The following GUCY1A2 variants were observed in gnomAD, a reference collection of about 807,000 sequenced individuals.
GUCY1A2 encodes guanylate cyclase 1 soluble subunit alpha 2.
A neutral mutation model predicts 63.5 loss-of-function variants in GUCY1A2; 27 were observed. That is an observed-to-expected ratio of 0.43 (90% CI 0.31 to 0.59). The LOEUF is 0.59. Among genes scored for constraint, GUCY1A2 ranks in the 20% least tolerant of loss-of-function variants. GUCY1A2 has a pLI of 0.11. For missense variants in GUCY1A2, 768 were observed against 913.3 expected (o/e 0.84, Z 2.05); for synonymous variants, 364 against 343.5 (o/e 1.06, Z -0.66).
chr11:106,815,664 C>T (rs1858821111), intron 4 of GUCY1A2, among the ~76,000 whole-genome samples: 1 of 152,040 alleles, frequency 6.6e-6, no homozygotes, highest in African/African-American at 2.4e-5. Context: ...CATGAGTTGT[C>T]TAAATCATAT....
chr11:106,881,407 C>T (rs909879354), intron 4 of GUCY1A2, among the ~76,000 whole-genome samples: 3 of 151,768 alleles, frequency 2.0e-5, no homozygotes, highest in African/African-American at 7.3e-5. Flanking sequence ...TTATTTTTTA[C>T]CAAAAGTTCT....
chr11:106,843,924 T>C (rs543007773), intron 4 of GUCY1A2, among the ~76,000 whole-genome samples: 23 of 151,980 alleles, frequency 1.5e-4, no homozygotes, highest in African/African-American at 5.1e-4. Flanking sequence ...GGATCCATCA[T>C]AGAGCACTTA....
At position 106,957,894 on chromosome 11, in the gene GUCY1A2, A is replaced by C. The variant is rs1441860259; in HGVS notation, c.488-17716T>G. Among the ~76,000 whole-genome samples the C allele has an allele frequency of 1.8e-3, 184 of 102,616 alleles. 2 individuals are homozygous for C. The highest frequency in any genetic ancestry group is 6.4e-3 in the African/African-American group (180 of 28,234). 67.3% of individuals were successfully genotyped at this position (102,616 alleles called of 152,430 possible). On this transcript the variant is annotated intron_variant, in intron 3 of 7. Transcript: ENST00000526355. ...TTTTTTTTTTTTTTTTTTTTTCAGA[A>C]AAAAAAGGTGTTGTGGTAAAGAAAT...
intron 4 of GUCY1A2, among the ~76,000 whole-genome samples, chr11:106,883,295 A>G (rs1280935611): frequency 1.3e-5 from 2 of 152,158 alleles, no homozygotes; most frequent in African/African-American, 4.8e-5. Flanking sequence ...CCAATAAATA[A>G]GGAAACTCCT....
intron 6 of GUCY1A2, among the ~76,000 whole-genome samples, chr11:106,709,204 CATGT>C (rs1473357065): frequency 1.1e-5 from 1 of 92,466 alleles, no homozygotes; most frequent in African/African-American, 3.8e-5. Flanking sequence ...ATATAATATA[CATGT>C]ATATTATATA....
intron 4 of GUCY1A2, chr11:106,826,936 G>A (rs1565302293): frequency 1.9e-6 from 3 of 1,610,254 alleles, no homozygotes; most frequent in Non-Finnish European, 2.5e-6. Context: ...TATATTCGGT[G>A]TAACTCCTGT....
At chr11:106,930,190 A>C (rs1860582062) in intron 4 of GUCY1A2, among the ~76,000 whole-genome samples, 1 of 152,232 alleles carries the variant, frequency 6.6e-6, no homozygotes, top group African/African-American at 2.4e-5. Flanking sequence ...TAGTTATTTT[A>C]AAAAGAAATG....
At chr11:106,688,740 A>G (rs1431079382) in intron 7 of GUCY1A2, among the ~76,000 whole-genome samples, 1 of 152,238 alleles carries the variant, frequency 6.6e-6, no homozygotes, top group African/African-American at 2.4e-5. Context: ...AGAAGAAAAA[A>G]AGTATTTGCA....
At chr11:106,771,939 G>A (rs1304005430) in intron 6 of GUCY1A2, among the ~76,000 whole-genome samples, 1 of 152,080 alleles carries the variant, frequency 6.6e-6, no homozygotes, top group Non-Finnish European at 1.5e-5. Context: ...TTTTCAGAAT[G>A]TATTGTATAG....
At chr11:106,933,778 T>C (rs1488045585) in intron 4 of GUCY1A2, among the ~76,000 whole-genome samples, 1 of 151,934 alleles carries the variant, frequency 6.6e-6, no homozygotes, top group African/African-American at 2.4e-5. Flanking sequence ...AAAGAACACA[T>C]AGCTGGATGC....
chr11:106,985,010 G>A lies in GUCY1A2; in HGVS notation c.365+1060C>T, dbSNP rs182464846. Among the ~76,000 whole-genome samples, 257 of 151,940 alleles carry A rather than the reference G, an allele frequency of 1.7e-3. 1 individual carries two copies. The highest frequency in any genetic ancestry group is 2.3e-3 in the Non-Finnish European group (153 of 67,936). ...TAATCATCAAGCACTTAAAGTATAC[G>A]GCATTGTACTAGGTACCGAGATTAT... On this transcript the variant is annotated intron_variant, in intron 2 of 7. Transcript: ENST00000526355.
At position 106,891,577 on chromosome 11, in the gene GUCY1A2, T is replaced by C. The variant is rs539774928; in HGVS notation, c.1206+47883A>G. Among the ~76,000 whole-genome samples, 14 of 152,264 alleles carry C rather than the reference T, an allele frequency of 9.2e-5. No homozygotes were observed. The South Asian group carries it at 2.9e-3, about 32-fold the overall frequency. ...AAGCTGTATTTATGTCTATGATCCA[T>C]CTTGAATTAATTTTTGTTTATTTAT... On this transcript the variant is annotated intron_variant, in intron 4 of 7. Transcript: ENST00000526355.
chr11:107,017,088 A>G (rs1464611858), intron 1 of GUCY1A2, among the ~76,000 whole-genome samples: 1 of 152,226 alleles, frequency 6.6e-6, no homozygotes, highest in East Asian at 1.9e-4. Context: ...CCAGAGAAGA[A>G]TAAATGCCTA....
chr11:106,785,568 A>C (rs1248444109), intron 5 of GUCY1A2, among the ~76,000 whole-genome samples: 9 of 151,870 alleles, frequency 5.9e-5, no homozygotes, highest in Admixed American at 6.6e-5. Context: ...GTACAGTATC[A>C]GGATGCCCAT....
intron 4 of GUCY1A2, among the ~76,000 whole-genome samples, chr11:106,816,370 C>T (rs943726986): frequency 6.6e-6 from 1 of 151,638 alleles, no homozygotes; most frequent in Non-Finnish European, 1.5e-5. Context: ...CACTTTTCTA[C>T]ACAATTCATT....
chr11:106,763,869 A>G (rs950727041), intron 6 of GUCY1A2, among the ~76,000 whole-genome samples: 1 of 152,138 alleles, frequency 6.6e-6, no homozygotes, highest in Non-Finnish European at 1.5e-5. Context: ...ATAAAAAATA[A>G]TCTTAGATAA....
intron 6 of GUCY1A2, among the ~76,000 whole-genome samples, chr11:106,708,963 A>G (rs1862969810): frequency 6.6e-6 from 1 of 151,054 alleles, no homozygotes. Context: ...TTTCATCTGT[A>G]TGTAATATGG....
At chr11:106,904,192 C>G (rs560863581) in intron 4 of GUCY1A2, among the ~76,000 whole-genome samples, 1 of 152,278 alleles carries the variant, frequency 6.6e-6, no homozygotes, top group South Asian at 2.1e-4. Context: ...CTTACCTCCA[C>G]CTTTTCTGAA....
chr11:106,868,461 AACAG>A (rs567505699), intron 4 of GUCY1A2, among the ~76,000 whole-genome samples: 2,580 of 152,234 alleles, frequency 0.017, 33 homozygotes, highest in Non-Finnish European at 0.03. Context: ...ACACACCAAT[AACAG>A]ACAAACAGAG....
Sources: allele counts gnomAD v4.1 joint callset (sites outside exome capture counted in the v4.1 genomes callset), GRCh38; gene constraint gnomAD v4.1.1; transcripts MANE v1.5; gene names NCBI Gene and HGNC (gene_info 2026-07-23, HGNC 2026-07-21).